Variants in LRRC37A2 observed in about 807,000 individuals in gnomAD.
LRRC37A2 encodes the protein leucine-rich repeat-containing protein 37A2.
LRRC37A2 carries 9 observed loss-of-function variants against 68.8 expected under a neutral mutation model. The ratio of observed to expected loss-of-function variants is 0.13; its 90% CI spans 0.08 to 0.23. LRRC37A2 has a LOEUF of 0.23. Ranked by LOEUF, LRRC37A2 falls within the 10% of genes least tolerant of loss-of-function variation. LRRC37A2 has a pLI of 1.00. For missense variants in LRRC37A2, 168 were observed against 950.4 expected, an observed-to-expected ratio of 0.18 and a Z score of 10.82; for synonymous variants, 63 against 367.6, an observed-to-expected ratio of 0.17 and a Z score of 9.48.
chr17:46,838,180 C>T, the LRRC37A2 span, among the ~76,000 whole-genome samples: 1 of 152,116 alleles, frequency 6.6e-6, no homozygotes, highest in Non-Finnish European at 1.5e-5. Flanking sequence ...CTCTCTGAGA[C>T]ATCTGGCTGA....
At chr17:46,846,733 G>A in the LRRC37A2 span, among the ~76,000 whole-genome samples, 7 of 152,200 alleles carry the variant, frequency 4.6e-5, no homozygotes, top group African/African-American at 1.7e-4. Flanking sequence ...GGCAAGAGAA[G>A]GTGGGTCCCA....
At chr17:47,011,405 C>A in the LRRC37A2 span, among the ~76,000 whole-genome samples, 1 of 151,838 alleles carries the variant, frequency 6.6e-6, no homozygotes. Flanking sequence ...AAAAATTAGC[C>A]AGGTGTGGTG....
At chr17:46,813,356 T>A in the LRRC37A2 span, among the ~76,000 whole-genome samples, 1 of 150,554 alleles carries the variant, frequency 6.6e-6, no homozygotes, top group Non-Finnish European at 1.5e-5. Context: ...GGTCCATTGG[T>A]ATTAAACTTG....
chr17:46,548,175 G>T, intron 9 of LRRC37A2, 137 bp from the exon 9 acceptor site: 2 of 220,372 alleles, frequency 9.1e-6, no homozygotes, highest in African/African-American at 2.1e-4. Context: ...TTAGGATTGG[G>T]TGTGTGTTTC....
chr17:46,863,040 T>C, the LRRC37A2 span, among the ~76,000 whole-genome samples: 1 of 152,322 alleles, frequency 6.6e-6, no homozygotes, highest in South Asian at 2.1e-4. Flanking sequence ...CCACAGGGGC[T>C]GAGGACCATG....
At chr17:47,005,875 G>A in the LRRC37A2 span, 1 of 152,154 alleles carries the variant, frequency 6.6e-6, no homozygotes, top group African/African-American at 2.4e-5. Context: ...TTACTTCTAA[G>A]TATAGCTTTG....
At chr17:46,714,099 C>G in the LRRC37A2 span, 110 of 1,174,010 alleles carry the variant, frequency 9.4e-5, no homozygotes, top group Admixed American at 1.4e-3. Context: ...CTATGTTCTT[C>G]TCAAGTGGAA....
At chr17:46,502,149 T>G in the LRRC37A2 span, among the ~76,000 whole-genome samples, 1 of 151,126 alleles carries the variant, frequency 6.6e-6, no homozygotes, top group South Asian at 2.1e-4. Flanking sequence ...TTTGAGAATT[T>G]CACAGCATAA....
the LRRC37A2 span, among the ~76,000 whole-genome samples, chr17:46,762,324 A>T: frequency 7.2e-5 from 11 of 152,346 alleles, no homozygotes; most frequent in African/African-American, 2.6e-4. Flanking sequence ...AGAAGCCTTT[A>T]AAAATGTACT....
the LRRC37A2 span, among the ~76,000 whole-genome samples, chr17:46,971,484 C>T: frequency 1.3e-5 from 2 of 152,134 alleles, no homozygotes; most frequent in Non-Finnish European, 2.9e-5. Flanking sequence ...GACCCAGTGC[C>T]CCACCCTAGC....
the LRRC37A2 span, chr17:46,930,881 G>A: frequency 9.7e-6 from 5 of 516,470 alleles, no homozygotes; most frequent in African/African-American, 3.8e-5. Flanking sequence ...AATTGGCATT[G>A]TTATGTCATT....
At chr17:46,849,498 C>T in the LRRC37A2 span, among the ~76,000 whole-genome samples, 1 of 152,194 alleles carries the variant, frequency 6.6e-6, no homozygotes, top group East Asian at 1.9e-4. Context: ...CAGTCCATGG[C>T]TCTTCCTTCT....
the LRRC37A2 span, among the ~76,000 whole-genome samples, chr17:46,982,213 G>C: frequency 6.6e-6 from 1 of 152,182 alleles, no homozygotes; most frequent in Admixed American, 6.5e-5. Context: ...TCTGTCCTCT[G>C]CTTTGGCCCA....
At chr17:46,801,957 G>A in the LRRC37A2 span, among the ~76,000 whole-genome samples, 2 of 152,186 alleles carry the variant, frequency 1.3e-5, no homozygotes, top group Non-Finnish European at 1.5e-5. Flanking sequence ...TCTACCATGT[G>A]CCCAGTATTG....
the LRRC37A2 span, among the ~76,000 whole-genome samples, chr17:46,866,075 G>A: frequency 3.2e-3 from 493 of 152,324 alleles, 3 homozygotes; most frequent in African/African-American, 0.011. Context: ...GGACGTCATG[G>A]AGGAGGTGCA....
chr17:46,791,810 CAGG>C, the LRRC37A2 span, among the ~76,000 whole-genome samples: 1 of 152,138 alleles, frequency 6.6e-6, no homozygotes, highest in Non-Finnish European at 1.5e-5. Context: ...AATTTCGAGG[CAGG>C]GGGATCACCT....
At position 46,539,186 on chromosome 17, in the gene LRRC37A2, G is replaced by A. The variant is rs1300037676; in HGVS notation, c.2907-990G>A. Among the ~76,000 whole-genome samples the A allele has an allele frequency of 1.9e-4, 14 of 73,608 alleles. 5 individuals are homozygous for A. The highest frequency in any genetic ancestry group is 4.3e-4 in the Non-Finnish European group (12 of 27,668). The allele number at this position is 73,608 out of a possible 152,430, so 48.3% of individuals were successfully genotyped here. On this transcript the variant is annotated intron_variant, in intron 6 of 14. Coordinates refer to ENST00000576629, the Ensembl canonical transcript of LRRC37A2. ...AGATTGCACCACTGCACTCCAGCCT[G>A]GGTGACAGAGTGAGACTCCATCTCA...
the LRRC37A2 span, among the ~76,000 whole-genome samples, chr17:46,947,045 C>T: frequency 6.6e-6 from 1 of 152,078 alleles, no homozygotes; most frequent in Non-Finnish European, 1.5e-5. Flanking sequence ...GCTTGGTTCT[C>T]AGCAGGCTGG....
chr17:46,773,622 C>CG, the LRRC37A2 span: 6 of 506,094 alleles, frequency 1.2e-5, no homozygotes, highest in Non-Finnish European at 2.2e-5. Context: ...GTCCTGATCC[C>CG]TCCCCCCACC....
Sources: allele counts gnomAD v4.1 joint callset (sites outside exome capture counted in the v4.1 genomes callset), GRCh38; gene constraint gnomAD v4.1.1; transcripts MANE v1.5; gene names NCBI Gene and HGNC (gene_info 2026-07-23, HGNC 2026-07-21).